Variants in ZNF585B observed in about 807,000 individuals in gnomAD.
ZNF585B encodes zinc finger protein 41-like protein.
Under a neutral mutation model 14.0 loss-of-function variants are expected in ZNF585B, and 7 were observed. The ratio of observed to expected loss-of-function variants is 0.50; its 90% CI spans 0.28 to 0.94. The LOEUF is 0.94. Among genes scored for constraint, ZNF585B ranks in the 40% least tolerant of loss-of-function variants. The pLI, the probability that ZNF585B is intolerant of heterozygous loss-of-function variation, is 0.09. For missense variants in ZNF585B, 750 were observed against 924.4 expected, an observed-to-expected ratio of 0.81 and a Z score of 2.45; for synonymous variants, 290 against 317.3, an observed-to-expected ratio of 0.91 and a Z score of 0.91.
Position 37,189,746 on chromosome 19 carries a change from T to C in ZNF585B, c.207A>G (p.Gln69=). Residue 69 remains glutamine (Q), a synonymous_variant, in exon 4 of 5, where the codon CAA becomes CAG. Coordinates refer to ENST00000532828, the MANE Select transcript of ZNF585B (RefSeq NM_152279.4). ...TYSHLLSVGY[Q]VPKPEVVMLE... ...ACATGACCACCTCTGGTTTAGGAAC[T>C]TGATACCCTGTTCATGGGAAATGAT... 1 of 1,614,140 alleles carries C rather than the reference T, an allele frequency of 6.2e-7. No homozygotes were observed. Among genetic ancestry groups the C allele is most frequent in the Non-Finnish European group, 8.5e-7 (1 of 1,180,026 alleles).
At chr19:37,193,713 G>A (rs1021305521) in intron 2 of ZNF585B, among the ~76,000 whole-genome samples, 8 of 152,068 alleles carry the variant, frequency 5.3e-5, no homozygotes, top group East Asian at 1.9e-4. Flanking sequence ...CCGGGAGGTC[G>A]AAGCTCCAGT....
At chr19:37,201,496 A>C (rs1972530578) in intron 2 of ZNF585B, among the ~76,000 whole-genome samples, 1 of 152,166 alleles carries the variant, frequency 6.6e-6, no homozygotes, top group Non-Finnish European at 1.5e-5. Flanking sequence ...TTACCAATAA[A>C]ATCTTATTGC....
At chr19:37,203,898 G>C (rs1972560295) in intron 2 of ZNF585B, among the ~76,000 whole-genome samples, 1 of 151,988 alleles carries the variant, frequency 6.6e-6, no homozygotes, top group African/African-American at 2.4e-5. Context: ...AAAGTGCTGG[G>C]ATTACAGGCA....
intron 2 of ZNF585B, among the ~76,000 whole-genome samples, chr19:37,201,461 A>T (rs1031700139): frequency 6.6e-6 from 1 of 152,226 alleles, no homozygotes; most frequent in Admixed American, 6.5e-5. Flanking sequence ...TGAAAGCCTC[A>T]TAACTATATA....
intron 2 of ZNF585B, 145 bp from the exon 3 acceptor site, chr19:37,190,295 G>C: frequency 2.8e-5 from 34 of 1,199,090 alleles, no homozygotes; most frequent in South Asian, 6.9e-5. Context: ...CCCCAGGCTG[G>C]AGTGCAGTGG....
At chr19:37,210,148 T>C (rs537919720) in intron 1 of ZNF585B, among the ~76,000 whole-genome samples, 6 of 152,124 alleles carry the variant, frequency 3.9e-5, no homozygotes, top group Admixed American at 6.6e-5. Context: ...CAGGCTGAAA[T>C]GGAAAGAACT....
intron 3 of ZNF585B, 133 bp downstream of exon 3, chr19:37,189,891 A>G (rs978762695): frequency 6.4e-7 from 1 of 1,556,716 alleles, no homozygotes; most frequent in Non-Finnish European, 8.7e-7. Flanking sequence ...TGAGTACCCT[A>G]AACAAACAGA....
chr19:37,207,198 T>C lies in ZNF585B; in HGVS notation c.-87A>G. On this transcript the variant is annotated 5_prime_UTR_variant, in exon 2 of 5. Coordinates refer to ENST00000532828, the MANE Select transcript of ZNF585B (RefSeq NM_152279.4). ...ACTCAGCAGAGCTGCTCCGAAGAGG[T>C]GGGCTGGAGTCTGGAGGAAGGTCTG... 1 of 1,584,812 alleles carries C rather than the reference T, an allele frequency of 6.3e-7. No individual in the cohort carries two copies. The highest frequency in any genetic ancestry group is 1.3e-5 in the African/African-American group (1 of 74,570).
At chr19:37,190,003 T>C in intron 3 of ZNF585B, 21 bp downstream of exon 3, 2 of 1,612,676 alleles carry the variant, frequency 1.2e-6, no homozygotes, top group Non-Finnish European at 1.7e-6. Context: ...TCCTTTCAGA[T>C]ACCAAGGTGA....
At chr19:37,198,906 T>G in intron 2 of ZNF585B, 3 of 1,255,742 alleles carry the variant, frequency 2.4e-6, no homozygotes, top group Non-Finnish European at 3.3e-6. Flanking sequence ...TTTATAATTT[T>G]TAATATGTAA....
rs1297384209 is a variant in ZNF585B at position 37,182,706 on chromosome 19, T to A, written c.*2521A>T. On this transcript the variant is annotated 3_prime_UTR_variant, in exon 5 of 5. Coordinates refer to ENST00000532828, the MANE Select transcript of ZNF585B (RefSeq NM_152279.4). ...AAGGGGCATTGTGGCCCTGCTTCTT[T>A]GACTATGTTCTATCCTTTGGGCCCC... 1 of 152,240 alleles carries A rather than the reference T, an allele frequency of 6.6e-6. No individual in the cohort carries two copies. Among genetic ancestry groups the A allele is most frequent in the East Asian group, 1.9e-4 (1 of 5,190 alleles). 9.4% of individuals were successfully genotyped at this position (152,240 alleles called of 1,614,324 possible).
At chr19:37,193,683 G>A (rs1972429336) in intron 2 of ZNF585B, among the ~76,000 whole-genome samples, 1 of 152,108 alleles carries the variant, frequency 6.6e-6, no homozygotes, top group African/African-American at 2.4e-5. Context: ...GGGAGGCTGA[G>A]GTCGGAGGAT....
intron 3 of ZNF585B, 85 bp from the exon 4 acceptor site, chr19:37,189,838 T>A: frequency 6.3e-7 from 1 of 1,596,242 alleles, no homozygotes; most frequent in South Asian, 1.1e-5. Flanking sequence ...TCAATGATGG[T>A]TTGTTCTTTA....
In ZNF585B at chr19:37,207,073, G is replaced by A. The variant is rs375094438; in HGVS notation, c.39C>T (p.Ala13=). 21 of 1,614,028 alleles carry A rather than the reference G, an allele frequency of 1.3e-5. No individual in the cohort carries two copies. The highest frequency in any genetic ancestry group is 1.7e-5 in the Non-Finnish European group (20 of 1,180,044). ...ASWTSPQKSS[A]LAPEDHGSSY... ...AGCTGCCATGATCCTCTGGAGCCAG[G>A]GCTGAGGATTTCTGGGGTGAGGTCC... is the stretch of plus-strand genomic sequence containing the variant. Residue 13 remains alanine (A), a synonymous_variant, in exon 2 of 5, where the codon GCC becomes GCT. Coordinates refer to ENST00000532828, the MANE Select transcript of ZNF585B (RefSeq NM_152279.4).
chr19:37,191,794 G>A (rs1171942886), intron 2 of ZNF585B, among the ~76,000 whole-genome samples: 1 of 152,098 alleles, frequency 6.6e-6, no homozygotes, highest in Non-Finnish European at 1.5e-5. Flanking sequence ...ATCACTTTGG[G>A]ACGCCGAGGT....
chr19:37,201,825 T>C (rs1241133834), intron 2 of ZNF585B, among the ~76,000 whole-genome samples: 12 of 152,228 alleles, frequency 7.9e-5, no homozygotes, highest in Admixed American at 7.9e-4. Flanking sequence ...TAAGGTAAAT[T>C]ACTTCTCTAA....
intron 4 of ZNF585B, among the ~76,000 whole-genome samples, chr19:37,188,082 A>G (rs908429218): frequency 6.6e-6 from 1 of 152,200 alleles, no homozygotes; most frequent in Non-Finnish European, 1.5e-5. Context: ...ATTATCACAA[A>G]AATAAAATGA....
intron 2 of ZNF585B, among the ~76,000 whole-genome samples, chr19:37,199,759 A>C (rs550380813): frequency 6.6e-6 from 1 of 152,176 alleles, no homozygotes; most frequent in Non-Finnish European, 1.5e-5. Flanking sequence ...TAAAATAATT[A>C]AACAGGCCAG....
chr19:37,192,750 C>G (rs1284462290), intron 2 of ZNF585B, among the ~76,000 whole-genome samples: 1 of 152,060 alleles, frequency 6.6e-6, no homozygotes, highest in Non-Finnish European at 1.5e-5. Context: ...GTGGAGGTTG[C>G]AGTGACCCAA....
Sources: gnomAD v4.1 joint callset for allele counts (sites outside exome capture counted in the v4.1 genomes callset) on GRCh38, gnomAD v4.1.1 for gene constraint, MANE v1.5 for transcripts, NCBI Gene and HGNC (gene_info 2026-07-23, HGNC 2026-07-21) for gene names.